Variants in THSD4 observed in about 807,000 individuals in gnomAD.
The protein encoded by THSD4 is thrombospondin type-1 domain-containing protein 4.
A neutral mutation model predicts 119.0 loss-of-function variants in THSD4; 69 were observed. The ratio of observed to expected loss-of-function variants is 0.58; its 90% CI spans 0.48 to 0.71. The LOEUF is 0.71. Among genes scored for constraint, THSD4 ranks in the 30% least tolerant of loss-of-function variants. The pLI, the probability that THSD4 is intolerant of heterozygous loss-of-function variation, is 0.00. For missense variants in THSD4, 1,393 were observed against 1,391.1 expected (o/e 1.00, Z -0.02); for synonymous variants, 524 against 540.4 (o/e 0.97, Z 0.42).
chr15:71,780,530 A>G lies in THSD4; in HGVS notation c.*3156A>G, dbSNP rs911784212. Reference sequence around the variant, plus strand: ...GAAATACAACTAAAAAAACAAACAAAAACACCAAAAGAAAAAAAAAAGCCA... The same window carrying G: ...GAAATACAACTAAAAAAACAAACAAGAACACCAAAAGAAAAAAAAAAGCCA... On this transcript the variant is annotated 3_prime_UTR_variant, in exon 18 of 18. Transcript: ENST00000261862. 1 of 316,380 alleles carries G rather than the reference A, an allele frequency of 3.2e-6. No homozygotes were observed. The highest frequency in any genetic ancestry group is 6.4e-6 in the Non-Finnish European group (1 of 156,948). 19.6% of individuals were successfully genotyped at this position (316,380 alleles called of 1,614,324 possible). A position where few individuals can be genotyped will look rare whatever the true frequency, so the allele number is the denominator to read the frequency against.
At position 71,745,725 on chromosome 15, in the gene THSD4, A is replaced by C. The variant is rs568477843; in HGVS notation, c.2036+490A>C. Among the ~76,000 whole-genome samples, 10 of 152,280 alleles carry C rather than the reference A, an allele frequency of 6.6e-5. No individual in the cohort carries two copies. In the South Asian group the frequency reaches 1.7e-3, roughly 25 times the overall value. On this transcript the variant is annotated intron_variant, in intron 12 of 17. Transcript: ENST00000261862. ...AGATTGCAGTGGCACGATCTCAGCA[A>C]ACTCCGCCTCCTGGATTCAAGCAAT...
chr15:71,450,998 C>A (rs1055354961), intron 7 of THSD4, among the ~76,000 whole-genome samples: 1 of 152,054 alleles, frequency 6.6e-6, no homozygotes, highest in Non-Finnish European at 1.5e-5. Flanking sequence ...GTCAACATGG[C>A]GAAACACCGT....
At chr15:71,121,221 G>T (rs764207659) in intron 1 of THSD4, among the ~76,000 whole-genome samples, 3 of 152,164 alleles carry the variant, frequency 2.0e-5, no homozygotes, top group Admixed American at 1.3e-4. Flanking sequence ...CTGGAGCCAG[G>T]TCCTGAGTTT....
chr15:71,171,506 G>T (rs972971160), intron 3 of THSD4, among the ~76,000 whole-genome samples: 6 of 152,152 alleles, frequency 3.9e-5, no homozygotes, highest in African/African-American at 1.4e-4. Context: ...TGCCCCATAA[G>T]AATTGTTGAA....
chr15:71,212,484 TGTCTTA>T (rs1283177710), intron 3 of THSD4, among the ~76,000 whole-genome samples: 1 of 152,198 alleles, frequency 6.6e-6, no homozygotes, highest in Non-Finnish European at 1.5e-5. Flanking sequence ...TTATAGGCAG[TGTCTTA>T]GTTATCTGTG....
chr15:71,422,802 G>C (rs564137909), intron 7 of THSD4, among the ~76,000 whole-genome samples: 187 of 152,280 alleles, frequency 1.2e-3, no homozygotes, highest in African/African-American at 4.3e-3. Flanking sequence ...GCCCTGGGCT[G>C]GTCCAGAAAT....
intron 6 of THSD4, among the ~76,000 whole-genome samples, chr15:71,308,829 G>A (rs2045071003): frequency 1.3e-5 from 2 of 152,310 alleles, no homozygotes; most frequent in South Asian, 4.1e-4. Context: ...GTTTTCCACA[G>A]CAGCTGCAGC....
At chr15:71,234,547 C>A (rs758719394) in intron 4 of THSD4, among the ~76,000 whole-genome samples, 4 of 152,152 alleles carry the variant, frequency 2.6e-5, no homozygotes, top group Non-Finnish European at 5.9e-5. Flanking sequence ...CTCAGGTGAT[C>A]CACTTGCTTT....
intron 6 of THSD4, among the ~76,000 whole-genome samples, chr15:71,308,097 C>T (rs2045057114): frequency 6.6e-6 from 1 of 152,110 alleles, no homozygotes; most frequent in Non-Finnish European, 1.5e-5. Context: ...TACCCTCCAG[C>T]AAAAACAGGC....
intron 7 of THSD4, among the ~76,000 whole-genome samples, chr15:71,578,030 A>C (rs2049486786): frequency 6.6e-6 from 1 of 151,944 alleles, no homozygotes; most frequent in East Asian, 1.9e-4. Context: ...CAACCCTGGC[A>C]GTTAAAGCCA....
At chr15:71,296,038 C>T (rs1259905333) in intron 6 of THSD4, among the ~76,000 whole-genome samples, 2 of 152,094 alleles carry the variant, frequency 1.3e-5, no homozygotes, top group Non-Finnish European at 2.9e-5. Flanking sequence ...TATGATATGT[C>T]ACATGTTATT....
At chr15:71,630,327 G>T (rs762056792) in intron 7 of THSD4, among the ~76,000 whole-genome samples, 3 of 152,126 alleles carry the variant, frequency 2.0e-5, no homozygotes, top group African/African-American at 7.2e-5. Context: ...CACTGCCTTT[G>T]ATCTTTAATT....
At chr15:71,341,226 C>T (rs769290090) in intron 6 of THSD4, 5 of 1,590,294 alleles carry the variant, frequency 3.1e-6, no homozygotes, top group East Asian at 2.2e-5. Flanking sequence ...TGGGCAACCT[C>T]CTCTTCTGGT....
At chr15:71,736,087 GTCTCTCTCTTGCTCTCTGTC>G (rs2053094479) in intron 10 of THSD4, among the ~76,000 whole-genome samples, 1 of 127,232 alleles carries the variant, frequency 7.9e-6, no homozygotes, top group Admixed American at 7.7e-5. Flanking sequence ...CTTGCTCTCT[GTCTCTCTCTTGCTCTCTGTC>G]TCTCTGTTGC....
In THSD4 at chr15:71,650,759, C is replaced by A. The variant is rs2051068740; in HGVS notation, c.1153-9771C>A. 2.0e-5 allele frequency among the ~76,000 whole-genome samples: 3 copies of A among 152,338 alleles called. 1 individual carries two copies. The South Asian group carries it at 6.2e-4, about 32-fold the overall frequency. On this transcript the variant is annotated intron_variant, in intron 7 of 17. Transcript: ENST00000261862. ...CTATAAAACTTTCGCCCTGTCCTCACTTGGGGCTGACGCCATTTTAGGCCT... is the reference window on the plus strand; with the variant it reads ...CTATAAAACTTTCGCCCTGTCCTCAATTGGGGCTGACGCCATTTTAGGCCT...
chr15:71,664,262 A>G (rs148070891), intron 8 of THSD4, among the ~76,000 whole-genome samples: 17,470 of 151,978 alleles, frequency 0.11, 1,081 homozygotes, highest in South Asian at 0.18. Context: ...GATTACAGGC[A>G]TGAGCCACCA....
intron 3 of THSD4, chr15:71,186,181 G>C (rs1237571177): frequency 3.9e-5 from 6 of 152,276 alleles, no homozygotes; most frequent in Admixed American, 6.5e-5. Context: ...AAGATGCAAT[G>C]GGGGGAAAAG....
At chr15:71,450,964 G>T (rs1261011774) in intron 7 of THSD4, among the ~76,000 whole-genome samples, 1 of 152,168 alleles carries the variant, frequency 6.6e-6, no homozygotes, top group Admixed American at 6.5e-5. Context: ...GATTGCTTGA[G>T]GTCAGGAGTT....
intron 6 of THSD4, among the ~76,000 whole-genome samples, chr15:71,371,510 A>C (rs1347643493): frequency 3.9e-5 from 6 of 152,118 alleles, no homozygotes; most frequent in Admixed American, 3.3e-4. Context: ...CTTGTCTGTA[A>C]AGGATTTTAT....
Sources: gnomAD v4.1 joint callset for allele counts (sites outside exome capture counted in the v4.1 genomes callset) on GRCh38, gnomAD v4.1.1 for gene constraint, MANE v1.5 for transcripts, NCBI Gene and HGNC (gene_info 2026-07-23, HGNC 2026-07-21) for gene names.